Variants in MREG observed in about 807,000 individuals in gnomAD.
MREG encodes the protein melanoregulin.
In MREG, 31 loss-of-function variants were observed where a neutral mutation model predicts 28.5. The observed-to-expected ratio is 1.09, with a 90% CI of 0.82 to 1.47. MREG has a LOEUF of 1.47. MREG is among the 40% of genes most tolerant of loss of function. The probability of loss-of-function intolerance (pLI) is 0.00; values close to 1 mark genes in which losing one functional copy is unlikely to be tolerated. For missense variants in MREG, 256 were observed against 257.4 expected, an observed-to-expected ratio of 0.99 and a Z score of 0.04; for synonymous variants, 106 against 95.2, an observed-to-expected ratio of 1.11 and a Z score of -0.66.
intron 2 of MREG, among the ~76,000 whole-genome samples, chr2:215,976,145 C>T (rs1282176039): frequency 6.6e-6 from 1 of 151,878 alleles, no homozygotes; most frequent in African/African-American, 2.4e-5. Flanking sequence ...ATGTCATTTC[C>T]TCACTGAGCC....
At chr2:215,966,836 G>A (rs990444122) in intron 2 of MREG, among the ~76,000 whole-genome samples, 5 of 152,164 alleles carry the variant, frequency 3.3e-5, no homozygotes, top group African/African-American at 9.6e-5. Flanking sequence ...TCCTGACCTC[G>A]TGATCCTACC....
chr2:215,941,907 G>T (rs1304703717), downstream of MREG, among the ~76,000 whole-genome samples: 5 of 152,134 alleles, frequency 3.3e-5, no homozygotes, highest in African/African-American at 1.2e-4. Context: ...TTGGGCCTCT[G>T]TTCTTCCATG....
At chr2:215,949,297 T>C (rs1692421079) in intron 2 of MREG, among the ~76,000 whole-genome samples, 1 of 149,696 alleles carries the variant, frequency 6.7e-6, no homozygotes, top group South Asian at 2.1e-4. Context: ...TGCTGGCTCA[T>C]GCCTATAATC....
At chr2:215,947,220 T>C in intron 2 of MREG, 107 bp from the exon 3 acceptor site, 2 of 670,960 alleles carry the variant, frequency 3.0e-6, no homozygotes, top group Non-Finnish European at 5.2e-6. Flanking sequence ...CTTTTATTAA[T>C]CTTCAAAGCA....
chr2:215,986,434 C>G (rs549917922), intron 2 of MREG, among the ~76,000 whole-genome samples: 1 of 152,286 alleles, frequency 6.6e-6, no homozygotes, highest in East Asian at 1.9e-4. Context: ...GGGTGAAGGG[C>G]AGGGGGTACC....
Position 215,945,701 on chromosome 2 carries a change from A to C in MREG, c.380T>G (p.Val127Gly). The C allele has an allele frequency of 6.2e-7, 1 of 1,613,738 alleles. No homozygotes were observed. Among genetic ancestry groups the C allele is most frequent in the Non-Finnish European group, 8.5e-7 (1 of 1,179,784 alleles). ...ATCACTGATGGTGCTGAGTTTAGTCACTGACAACAAAGAGTCAGCTTCCTT... is the reference window on the plus strand; with the variant it reads ...ATCACTGATGGTGCTGAGTTTAGTCCCTGACAACAAAGAGTCAGCTTCCTT... The part of the protein sequence containing the change: ...FQKEADSLLS[V>G]TKLSTISDSK... The change falls in exon 4 of 5, where the codon GTG (valine) becomes GGG (glycine). Residue 127 changes from valine to glycine, a missense_variant. Coordinates refer to ENST00000263268, the MANE Select transcript of MREG (RefSeq NM_018000.3).
chr2:216,022,026 T>A (rs1694527848), intron 1 of MREG, among the ~76,000 whole-genome samples: 2 of 152,110 alleles, frequency 1.3e-5, no homozygotes. Flanking sequence ...TCACCTGAGG[T>A]CAGGAGTTCA....
chr2:215,945,971 C>T (rs1412015033), intron 3 of MREG, among the ~76,000 whole-genome samples: 2 of 152,004 alleles, frequency 1.3e-5, no homozygotes, highest in Non-Finnish European at 2.9e-5. Flanking sequence ...ACTTTTCCCT[C>T]AGAGCCTCAG....
downstream of MREG, chr2:215,939,780 T>A (rs1442950891): frequency 6.6e-6 from 1 of 152,216 alleles, no homozygotes; most frequent in East Asian, 1.9e-4. Flanking sequence ...GAAAGTGGAT[T>A]CCTGATTAAG....
intron 2 of MREG, among the ~76,000 whole-genome samples, chr2:215,960,611 G>A (rs894682769): frequency 1.3e-5 from 2 of 151,860 alleles, no homozygotes; most frequent in African/African-American, 2.4e-5. Context: ...TGAGGCGGGC[G>A]GATCACAAGG....
downstream of MREG, among the ~76,000 whole-genome samples, chr2:215,941,959 C>A (rs891370010): frequency 3.3e-5 from 5 of 152,198 alleles, no homozygotes; most frequent in African/African-American, 1.2e-4. Context: ...CAGCATCTGG[C>A]CTTCAGAACT....
chr2:215,944,095 T>G lies in MREG; in HGVS notation c.*768A>C, dbSNP rs1395812887. 7.2e-6 allele frequency: 1 copy of G among 138,052 alleles called. No homozygotes were observed. The allele number at this position is 138,052 out of a possible 1,614,324, so 8.6% of individuals were successfully genotyped here. On this transcript the variant is annotated 3_prime_UTR_variant, in exon 5 of 5. Transcript: ENST00000263268. The stretch of plus-strand genomic sequence containing the variant: ...CCCGGGCTCAAGCGATTCTCCTACC[T>G]CAGCCTCCTGGGTAGCTGGGATTAC...
intron 1 of MREG, among the ~76,000 whole-genome samples, chr2:216,027,519 C>G (rs1694614044): frequency 6.6e-6 from 1 of 152,144 alleles, no homozygotes; most frequent in Non-Finnish European, 1.5e-5. Flanking sequence ...TGGTGAAACC[C>G]CCATCTCTAC....
downstream of MREG, chr2:215,939,526 C>T (rs530694790): frequency 2.6e-5 from 4 of 152,202 alleles, no homozygotes; most frequent in South Asian, 8.3e-4. Flanking sequence ...TAGGCAGACA[C>T]AACAATATTC....
intron 1 of MREG, among the ~76,000 whole-genome samples, chr2:216,010,988 C>T (rs1041732722): frequency 3.3e-5 from 5 of 149,326 alleles, no homozygotes; most frequent in Admixed American, 2.0e-4. Flanking sequence ...CCCAGCTACT[C>T]GGGAGGCTGA....
intron 1 of MREG, among the ~76,000 whole-genome samples, chr2:216,006,337 G>A (rs535777983): frequency 6.6e-6 from 1 of 152,336 alleles, no homozygotes; most frequent in South Asian, 2.1e-4. Flanking sequence ...TGGGCCTAAA[G>A]CCCAGTCCCT....
intron 1 of MREG, among the ~76,000 whole-genome samples, chr2:216,024,936 AG>A (rs1400230482): frequency 1.3e-5 from 1 of 79,504 alleles, no homozygotes; most frequent in Non-Finnish European, 2.7e-5. Context: ...AGGAACGGAA[AG>A]GAAGGGAAAG....
At chr2:215,978,471 C>G (rs1297393545) in intron 2 of MREG, among the ~76,000 whole-genome samples, 1 of 152,210 alleles carries the variant, frequency 6.6e-6, no homozygotes, top group Admixed American at 6.5e-5. Context: ...GGAGCTGGTA[C>G]CATTCCTTCT....
chr2:215,974,011 A>C (rs995156476), intron 2 of MREG, among the ~76,000 whole-genome samples: 13 of 152,206 alleles, frequency 8.5e-5, no homozygotes, highest in African/African-American at 3.1e-4. Context: ...ACCCCATGTT[A>C]AGTGCTTTAT....
Sources: gnomAD v4.1 joint callset for allele counts (sites outside exome capture counted in the v4.1 genomes callset) on GRCh38, gnomAD v4.1.1 for gene constraint, MANE v1.5 for transcripts, NCBI Gene and HGNC (gene_info 2026-07-23, HGNC 2026-07-21) for gene names.